The following ACAT1 variants were observed in gnomAD, a reference collection of about 807,000 sequenced individuals.
ACAT1 encodes the protein acetyl-CoA acetyltransferase, mitochondrial.
Under a neutral mutation model 47.3 loss-of-function variants are expected in ACAT1, and 28 were observed. That is an observed-to-expected ratio of 0.59 (90% CI 0.44 to 0.81). The LOEUF is 0.81. ACAT1 is among the 30% of genes least tolerant of loss of function. The pLI, the probability that ACAT1 is intolerant of heterozygous loss-of-function variation, is 0.00. For synonymous variants in ACAT1, 181 were observed against 173.6 expected (o/e 1.04, Z -0.34); for missense variants, 469 against 524.3 (o/e 0.89, Z 1.03).
chr11:108,125,405 C>T (rs2077229281), intron 1 of ACAT1, among the ~76,000 whole-genome samples: 2 of 152,176 alleles, frequency 1.3e-5, no homozygotes, highest in Admixed American at 1.3e-4. Flanking sequence ...AGGCACTGTG[C>T]TAAGTCATAG....
intron 11 of ACAT1, among the ~76,000 whole-genome samples, 182 bp downstream of exon 11, chr11:108,146,541 T>C (rs1204017103): frequency 2.0e-5 from 3 of 151,570 alleles, no homozygotes; most frequent in East Asian, 1.9e-4. Flanking sequence ...CATCTGTTAT[T>C]TGAAACCTAA....
At chr11:108,119,657 CT>C (rs2077116668), upstream of ACAT1, among the ~76,000 whole-genome samples, 1 of 152,096 alleles carries the variant, frequency 6.6e-6, no homozygotes, top group South Asian at 2.1e-4. Context: ...CTCTCTCTCT[CT>C]CTCTCACACA....
At chr11:108,133,415 GT>G (rs1189988284) in intron 2 of ACAT1, among the ~76,000 whole-genome samples, 1 of 152,134 alleles carries the variant, frequency 6.6e-6, no homozygotes, top group Non-Finnish European at 1.5e-5. Context: ...GAGCTGAGGA[GT>G]TTGAGCTGCA....
In ACAT1 at chr11:108,142,531, A is replaced by C; in HGVS notation, c.921A>C (p.Thr307=). The C allele has an allele frequency of 6.2e-7, 1 of 1,614,128 alleles. No individual in the cohort carries two copies. Among genetic ancestry groups the C allele is most frequent in the Non-Finnish European group, 8.5e-7 (1 of 1,179,974 alleles). The part of the protein sequence containing the change: ...TADAAKRLNV[T]PLARIVAFAD... Reference sequence around the variant, plus strand: ...ATGCAGCGAAGAGGCTCAATGTTACACCACTGGCAAGAATAGTAGGTAAGG... The same window carrying C: ...ATGCAGCGAAGAGGCTCAATGTTACCCCACTGGCAAGAATAGTAGGTAAGG... Residue 307 remains threonine, a synonymous_variant, in exon 9 of 12, where the codon ACA becomes ACC. Transcript: ENST00000265838.
intron 7 of ACAT1, among the ~76,000 whole-genome samples, chr11:108,140,566 A>G (rs2077565291): frequency 1.3e-5 from 2 of 152,230 alleles, no homozygotes; most frequent in South Asian, 4.1e-4. Flanking sequence ...TGGGAACTTC[A>G]GGGATTGGAA....
At chr11:108,134,373 G>A (rs1167887826) in intron 4 of ACAT1, 57 bp downstream of exon 4, 27 of 1,384,040 alleles carry the variant, frequency 2.0e-5, no homozygotes, top group East Asian at 1.4e-4. Context: ...GGCCGGGTGC[G>A]GTGGCTCATG....
chr11:108,124,161 C>T (rs937627591), intron 1 of ACAT1, among the ~76,000 whole-genome samples: 2 of 152,192 alleles, frequency 1.3e-5, no homozygotes, highest in African/African-American at 4.8e-5. Context: ...TCTTGTGGTT[C>T]CCGCTTCTGC....
intron 1 of ACAT1, among the ~76,000 whole-genome samples, chr11:108,125,284 A>T (rs543070028): frequency 2.4e-4 from 37 of 152,342 alleles, no homozygotes; most frequent in Non-Finnish European, 4.1e-4. Flanking sequence ...TGTTATGTAG[A>T]TAAAACTTAA....
chr11:108,138,748 G>C, intron 5 of ACAT1, 150 bp from the exon 6 acceptor site: 1 of 889,760 alleles, frequency 1.1e-6, no homozygotes, highest in Admixed American at 1.9e-5. Context: ...TCAGGGTGAA[G>C]TGGTAAAGAG....
Position 108,134,309 on chromosome 11 carries a change from G to T in ACAT1, c.327G>T (p.Leu109Phe). ...AAGCTCCTACAAGGCAGGCAGTATTGGGTGCAGGTACCTGGAAGACTTTTT... is the reference window on the plus strand; with the variant it reads ...AAGCTCCTACAAGGCAGGCAGTATTTGGTGCAGGTACCTGGAAGACTTTTT... Reference protein sequence around the residue: ...EGQAPTRQAVLGAGLPISTPC... With the variant: ...EGQAPTRQAVFGAGLPISTPC... Residue 109 changes from leucine to phenylalanine, a missense_variant, in exon 4 of 12, where the codon TTG (leucine) becomes TTT (phenylalanine). Coordinates refer to ENST00000265838, the MANE Select transcript of ACAT1 (RefSeq NM_000019.4). 1 of 1,613,168 alleles carries T rather than the reference G, an allele frequency of 6.2e-7. No homozygotes were observed. The highest frequency in any genetic ancestry group is 8.5e-7 in the Non-Finnish European group (1 of 1,179,492).
chr11:108,139,419 T>C (rs4375411), intron 6 of ACAT1, among the ~76,000 whole-genome samples: 151,912 of 151,966 alleles, frequency 1, 75,929 homozygotes, highest in Middle Eastern at 1. Flanking sequence ...GGTGAGACCC[T>C]GTCTCTATTA....
At chr11:108,131,091 GAGA>G (rs1284427435) in intron 1 of ACAT1, among the ~76,000 whole-genome samples, 1 of 152,136 alleles carries the variant, frequency 6.6e-6, no homozygotes, top group Non-Finnish European at 1.5e-5. Flanking sequence ...GGAAAGAACT[GAGA>G]AGTAGTAGGG....
chr11:108,132,863 AAAAAAAAAAAAAAAAAAAG>A (rs2077389606), intron 2 of ACAT1, among the ~76,000 whole-genome samples: 1 of 138,808 alleles, frequency 7.2e-6, no homozygotes, highest in African/African-American at 2.9e-5. Flanking sequence ...CAAAAAAAAA[AAAAAAAAAAAAAAAAAAAG>A]AAAAAAGAAA....
chr11:108,129,454 T>C (rs973224883), intron 1 of ACAT1, among the ~76,000 whole-genome samples: 1 of 152,106 alleles, frequency 6.6e-6, no homozygotes, highest in Non-Finnish European at 1.5e-5. Flanking sequence ...CTGCAACTTC[T>C]GCCTCCTGGG....
At chr11:108,137,989 T>C (rs1364781304) in intron 5 of ACAT1, among the ~76,000 whole-genome samples, 2 of 151,978 alleles carry the variant, frequency 1.3e-5, no homozygotes, top group African/African-American at 4.8e-5. Context: ...ATGAAAGATT[T>C]CTGGTATTTT....
chr11:108,137,943 A>G (rs925232521), intron 5 of ACAT1, among the ~76,000 whole-genome samples: 2 of 151,284 alleles, frequency 1.3e-5, no homozygotes, highest in African/African-American at 2.4e-5. Flanking sequence ...AGACCTGTCT[A>G]AAAGAAAATT....
chr11:108,120,530 A>T (rs1189564478), upstream of ACAT1, among the ~76,000 whole-genome samples: 2 of 124,500 alleles, frequency 1.6e-5, no homozygotes, highest in Admixed American at 9.2e-5. Context: ...GACAAGAGCG[A>T]GACCCTATCT....
chr11:108,123,444 A>G (rs115143250), intron 1 of ACAT1, among the ~76,000 whole-genome samples: 120 of 152,272 alleles, frequency 7.9e-4, no homozygotes, highest in Non-Finnish European at 1.5e-3. Context: ...TTGACCTCTC[A>G]TTACATTGGC....
In ACAT1 at chr11:108,137,428, A is replaced by C. The variant is rs555424416; in HGVS notation, c.436-1470A>C. ...GTTATCTAAGGTGCGAAATGATCAG[A>C]CTTACATTCTAGCCAAAATGAGTCA... On this transcript the variant is annotated intron_variant, in intron 5 of 11. Transcript: ENST00000265838. Among the ~76,000 whole-genome samples the C allele has an allele frequency of 2.6e-5, 4 of 152,324 alleles. No homozygotes were observed. In the East Asian group the frequency reaches 7.7e-4, roughly 29 times the overall value.
Sources: gnomAD v4.1 joint callset for allele counts (sites outside exome capture counted in the v4.1 genomes callset) on GRCh38, gnomAD v4.1.1 for gene constraint, MANE v1.5 for transcripts, NCBI Gene and HGNC (gene_info 2026-07-23, HGNC 2026-07-21) for gene names.